CERS6: variants seen among roughly 807,000 people sequenced by gnomAD.
CERS6 encodes LAG1 homolog, ceramide synthase 6.
In CERS6, 26 loss-of-function variants were observed where a neutral mutation model predicts 56.8. That is an observed-to-expected ratio of 0.46 (90% CI 0.34 to 0.63). CERS6 has a LOEUF of 0.63. CERS6 is among the 30% of genes least tolerant of loss of function. CERS6 has a pLI of 0.01. For synonymous variants in CERS6, 164 were observed against 173.3 expected, an observed-to-expected ratio of 0.95 and a Z score of 0.42; for missense variants, 415 against 467.5, an observed-to-expected ratio of 0.89 and a Z score of 1.04.
At chr2:168,685,663 C>T (rs1686329613) in intron 4 of CERS6, among the ~76,000 whole-genome samples, 1 of 152,002 alleles carries the variant, frequency 6.6e-6, no homozygotes, top group Admixed American at 6.6e-5. Context: ...AAATTGCACT[C>T]GATTCTTACG....
chr2:168,774,790 T>C lies in CERS6; in HGVS notation c.*5128T>C, dbSNP rs554462428. ...CATAAAGCCCCTAAGCTCATGATTT[T>C]CATCAACTCTTTGCCCACATAGTCA... is the stretch of plus-strand genomic sequence containing the variant. On this transcript the variant is annotated 3_prime_UTR_variant, in exon 10 of 10. Coordinates refer to ENST00000305747, the MANE Select transcript of CERS6 (RefSeq NM_203463.3). 2.6e-5 allele frequency: 4 copies of C among 152,294 alleles called. No homozygotes were observed. The South Asian group carries it at 8.3e-4, about 32-fold the overall frequency. 9.4% of individuals were successfully genotyped at this position (152,294 alleles called of 1,614,324 possible).
chr2:168,611,331 C>G (rs563336132), intron 3 of CERS6, among the ~76,000 whole-genome samples: 145 of 152,316 alleles, frequency 9.5e-4, no homozygotes, highest in African/African-American at 3.3e-3. Flanking sequence ...AACCATTCAT[C>G]TCAGTACTCT....
chr2:168,748,818 G>A lies in CERS6; in HGVS notation c.846-16774G>A, dbSNP rs185885401. ...AGTATAACATTTAATCCCAGAAATG[G>A]CGTGGTTGGGGGTGGGGGGGGGGCA... On this transcript the variant is annotated intron_variant, in intron 8 of 9. Transcript: ENST00000305747. 4.1e-3 allele frequency among the ~76,000 whole-genome samples: 526 copies of A among 129,662 alleles called. 6 individuals are homozygous for A. Among genetic ancestry groups the A allele is most frequent in the African/African-American group, 0.017 (511 of 30,334 alleles). The allele number at this position is 129,662 out of a possible 152,430, so 85.1% of individuals were successfully genotyped here.
rs769616429 is a variant in CERS6, at chr2:168,456,501, A to G, written c.53A>G (p.Asn18Ser). 35 of 1,613,808 alleles carry G rather than the reference A, an allele frequency of 2.2e-5. No homozygotes were observed. The highest frequency in any genetic ancestry group is 3.3e-5 in the Admixed American group (2 of 60,006). Residue 18 changes from asparagine (N) to serine (S), a missense_variant, in exon 1 of 10, where the codon AAT becomes AGT. By Grantham distance (46) the Asn-to-Ser change is conservative (BLOSUM62 1). Coordinates refer to ENST00000305747, the MANE Select transcript of CERS6 (RefSeq NM_203463.3). This position sits in a 1 kb window ranked among gnomAD's most constrained non-coding sequence, Gnocchi z 4.1. ...AACGAGAGGTTTTGGCTCCCGCACA[A>G]TGTCACCTGGGCGGACCTGAAGAAC... ...FWNERFWLPHNVTWADLKNTE... is the reference protein window; with the variant it reads ...FWNERFWLPHSVTWADLKNTE...
intron 1 of CERS6, among the ~76,000 whole-genome samples, chr2:168,525,639 A>G (rs1695057651): frequency 1.3e-5 from 2 of 152,212 alleles, no homozygotes; most frequent in African/African-American, 4.8e-5. Flanking sequence ...AGTCCTATAC[A>G]ACGGCCCGAG....
chr2:168,558,728 GT>G (rs1337444891), intron 2 of CERS6, among the ~76,000 whole-genome samples: 9 of 152,200 alleles, frequency 5.9e-5, no homozygotes, highest in Non-Finnish European at 1.2e-4. Flanking sequence ...AATTAGCAGG[GT>G]GTGGTGGCTG....
At chr2:168,491,508 G>A (rs1218849937) in intron 1 of CERS6, among the ~76,000 whole-genome samples, 2 of 151,828 alleles carry the variant, frequency 1.3e-5, no homozygotes, top group Admixed American at 6.6e-5. Context: ...AATAATGAAA[G>A]TGATAAATGC....
At chr2:168,627,364 A>G (rs1181935592) in intron 3 of CERS6, among the ~76,000 whole-genome samples, 2 of 152,210 alleles carry the variant, frequency 1.3e-5, no homozygotes, top group Non-Finnish European at 2.9e-5. Context: ...GGGTCAGAAT[A>G]GGCTGAAGTA....
intron 1 of CERS6, among the ~76,000 whole-genome samples, chr2:168,486,535 T>TTTTTTTTTTTTTTTTTTC: frequency 6.6e-6 from 1 of 151,624 alleles, no homozygotes; most frequent in Admixed American, 6.6e-5. Context: ...TTTTTTTTTT[T>TTTTTTTTTTTTTTTTTTC]TTTGCCTATG....
chr2:168,606,296 C>G (rs1684051921), intron 3 of CERS6: 1 of 152,170 alleles, frequency 6.6e-6, no homozygotes, highest in South Asian at 2.1e-4. Flanking sequence ...TTTCTTTTGG[C>G]TAATTTCTCC....
At chr2:168,714,645 C>T (rs769319772) in intron 6 of CERS6, among the ~76,000 whole-genome samples, 5 of 152,162 alleles carry the variant, frequency 3.3e-5, no homozygotes, top group African/African-American at 9.7e-5. Context: ...TGGCATTGAT[C>T]GCATTCTTGG....
chr2:168,583,579 A>G (rs1185429832), intron 3 of CERS6, among the ~76,000 whole-genome samples: 1 of 152,228 alleles, frequency 6.6e-6, no homozygotes, highest in Admixed American at 6.5e-5. Flanking sequence ...CAAACCAGTC[A>G]TTAGGCTTTT....
At chr2:168,525,222 C>CT (rs1574042513) in intron 1 of CERS6, among the ~76,000 whole-genome samples, 2 of 152,220 alleles carry the variant, frequency 1.3e-5, no homozygotes, top group Admixed American at 1.3e-4. Flanking sequence ...TCGGGATTAC[C>CT]TGGAGGGCTT....
chr2:168,517,553 TA>T (rs1012539476), intron 1 of CERS6, among the ~76,000 whole-genome samples: 7 of 150,828 alleles, frequency 4.6e-5, no homozygotes, highest in African/African-American at 1.7e-4. Context: ...AAAAAAAAAG[TA>T]AAAACAAGTG....
intron 7 of CERS6, among the ~76,000 whole-genome samples, chr2:168,716,838 C>T (rs936360162): frequency 1.3e-5 from 2 of 152,038 alleles, no homozygotes; most frequent in Non-Finnish European, 2.9e-5. Context: ...GAATACATTC[C>T]TCTCATAGCT....
rs1462244619 is a variant in CERS6 at position 168,587,133 on chromosome 2, T to A, written c.407+25811T>A. On this transcript the variant is annotated intron_variant, in intron 3 of 9. Coordinates refer to ENST00000305747, the MANE Select transcript of CERS6 (RefSeq NM_203463.3). ...GGCAGAGATTACAATGAGCCAAGAT[T>A]GTGCCAGTGCAGCTGGGCTGAGCGA... Among the ~76,000 whole-genome samples, 7 of 32,098 alleles carry A rather than the reference T, an allele frequency of 2.2e-4. No homozygotes were observed. The East Asian group carries it at 9.5e-3, about 43-fold the overall frequency. 21.1% of individuals were successfully genotyped at this position (32,098 alleles called of 152,430 possible).
At chr2:168,460,190 T>G (rs1693753190) in intron 1 of CERS6, among the ~76,000 whole-genome samples, 1 of 152,072 alleles carries the variant, frequency 6.6e-6, no homozygotes. Context: ...TGAATGTCTT[T>G]TTTTTTTCTT....
At chr2:168,709,477 T>TAA (rs1197682184) in intron 6 of CERS6, among the ~76,000 whole-genome samples, 1 of 151,954 alleles carries the variant, frequency 6.6e-6, no homozygotes, top group Non-Finnish European at 1.5e-5. Flanking sequence ...AACATTAGGG[T>TAA]AAATATCAAG....
chr2:168,613,236 A>G (rs1684230264), intron 3 of CERS6, among the ~76,000 whole-genome samples: 1 of 152,234 alleles, frequency 6.6e-6, no homozygotes, highest in Non-Finnish European at 1.5e-5. Flanking sequence ...TTTGAGCCTC[A>G]GGTGCCGACG....
Sources: gnomAD v4.1 joint callset for allele counts (sites outside exome capture counted in the v4.1 genomes callset) on GRCh38, gnomAD v4.1.1 for gene constraint, Gnocchi (gnomAD v3.1) non-coding constraint, MANE v1.5 for transcripts, NCBI Gene and HGNC (gene_info 2026-07-23, HGNC 2026-07-21) for gene names.